Variants in APC observed in about 807,000 individuals in gnomAD.
APC encodes the protein adenomatous polyposis coli protein.
Under a neutral mutation model 247.0 loss-of-function variants are expected in APC, and 72 were observed. That is an observed-to-expected ratio of 0.29 (90% confidence interval 0.24 to 0.35). APC has a LOEUF of 0.35. APC is among the 10% of genes least tolerant of loss of function. The pLI, the probability that APC is intolerant of heterozygous loss-of-function variation, is 1.00. For synonymous variants in APC, 1,254 were observed against 1,162.5 expected, an observed-to-expected ratio of 1.08 and a Z score of -1.60; for missense variants, 3,400 against 3,360.7, an observed-to-expected ratio of 1.01 and a Z score of -0.29.
intron 5 of APC, among the ~76,000 whole-genome samples, chr5:112,777,249 T>G (rs1014328756): frequency 6.6e-6 from 1 of 152,108 alleles, no homozygotes; most frequent in African/African-American, 2.4e-5. Context: ...AGGAAAACAT[T>G]TACGTGTGCA....
At chr5:112,756,367 CATTTT>C (rs147573839) in intron 2 of APC, among the ~76,000 whole-genome samples, 8,122 of 152,224 alleles carry the variant, frequency 0.053, 399 homozygotes, top group East Asian at 0.13. Context: ...TATAAACAAA[CATTTT>C]ATTCTTTCCA....
intron 1 of APC, among the ~76,000 whole-genome samples, chr5:112,747,628 G>A (rs914320794): frequency 2.6e-5 from 4 of 152,104 alleles, no homozygotes; most frequent in African/African-American, 9.7e-5. Flanking sequence ...CCATTAAAGT[G>A]ATAGTAAAAA....
chr5:112,775,556 A>G, intron 4 of APC, 73 bp from the exon 5 acceptor site: 1 of 869,936 alleles, frequency 1.1e-6, no homozygotes, highest in Non-Finnish European at 1.9e-6. Flanking sequence ...ATAACAACTG[A>G]TGTAAGTATT....
In APC at chr5:112,835,208, T is replaced by C; in HGVS notation, c.1958+43T>C. The C allele has an allele frequency of 6.6e-7, 1 of 1,526,124 alleles. No individual in the cohort carries two copies. The highest frequency in any genetic ancestry group is 9.0e-7 in the Non-Finnish European group (1 of 1,115,554). 94.5% of individuals were successfully genotyped at this position (1,526,124 alleles called of 1,614,324 possible). A position where few individuals can be genotyped will look rare whatever the true frequency, so the allele number is the denominator to read the frequency against. ...TATTACTTTTAAAGTACAGAATTCA[T>C]ACTCTCAAAAAGACCTAATTGTAAG... On this transcript the variant is annotated intron_variant, in intron 15 of 15. Transcript: ENST00000257430.
At chr5:112,727,037 T>C (rs1466779595) in intron 1 of APC, among the ~76,000 whole-genome samples, 1 of 152,182 alleles carries the variant, frequency 6.6e-6, no homozygotes, top group African/African-American at 2.4e-5. Flanking sequence ...TTAGATACTA[T>C]TAGGTTGGTG....
In APC at chr5:112,842,455, G is replaced by T. The variant is rs2149974902; in HGVS notation, c.6861G>T (p.Arg2287Ser). 6.2e-7 allele frequency: 1 copy of T among 1,613,958 alleles called. No individual in the cohort carries two copies. The highest frequency in any genetic ancestry group is 8.5e-7 in the Non-Finnish European group (1 of 1,179,924). Reference protein sequence around the residue: ...SVKSELSPVARQTSQIGGSSK... With the variant: ...SVKSELSPVASQTSQIGGSSK... ...AATCAGAATTAAGCCCTGTTGCCAG[G>T]CAGACATCCCAAATAGGTGGGTCAA... The change falls in exon 16 of 16, where the codon AGG (arginine) becomes AGT (serine). Residue 2287 changes from arginine to serine, a missense_variant. Coordinates refer to ENST00000257430, the MANE Select transcript of APC (RefSeq NM_000038.6).
chr5:112,839,854 C>A lies in APC; in HGVS notation c.4260C>A (p.Pro1420=), dbSNP rs770579741. 18 of 1,614,078 alleles carry A rather than the reference C, an allele frequency of 1.1e-5. No homozygotes were observed. The highest frequency in any genetic ancestry group is 1.4e-5 in the Non-Finnish European group (17 of 1,180,008). ...GAATGGTAAGTGGCATTATAAGCCC[C>A]AGTGATCTTCCAGATAGCCCTGGAC... ...CSGMVSGIIS[P]SDLPDSPGQT... Residue 1420 remains proline, a synonymous_variant, in exon 16 of 16, where the codon CCC becomes CCA. Coordinates refer to ENST00000257430, the MANE Select transcript of APC (RefSeq NM_000038.6). The surrounding 1 kb of genome is among the most constrained non-coding windows in gnomAD (Gnocchi z 5.0).
chr5:112,713,007 C>G (rs962971567), intron 1 of APC, among the ~76,000 whole-genome samples: 1 of 151,846 alleles, frequency 6.6e-6, no homozygotes, highest in African/African-American at 2.4e-5. Flanking sequence ...CCCATCTCTA[C>G]TAAAAATAAA....
chr5:112,826,077 C>T (rs960428494), intron 11 of APC, among the ~76,000 whole-genome samples: 1 of 152,176 alleles, frequency 6.6e-6, no homozygotes, highest in South Asian at 2.1e-4. Flanking sequence ...GCTTGGAATT[C>T]TTGACCCACG....
intron 7 of APC, among the ~76,000 whole-genome samples, chr5:112,799,235 A>G (rs1760535649): frequency 6.6e-6 from 1 of 151,904 alleles, no homozygotes; most frequent in Admixed American, 6.6e-5. Context: ...CATATTCAAA[A>G]CATAATTAAT....
In APC at chr5:112,766,368, A is replaced by G. The variant is rs1421856417; in HGVS notation, c.178A>G (p.Met60Val). Residue 60 changes from methionine (M) to valine (V), a missense_variant, in exon 3 of 16, where the codon ATG becomes GTG. This residue lies in a region of APC where 372 missense variants were observed against 367.6 expected (regional missense o/e 1.01). Coordinates refer to ENST00000257430, the MANE Select transcript of APC (RefSeq NM_000038.6). ...ACAAGGAAGTATTGAAGATGAAGCT[A>G]TGGCTTCTTCTGGACAGATTGATTT... ...QLQGSIEDEA[M>V]ASSGQIDLLE... The G allele has an allele frequency of 1.2e-6, 2 of 1,612,278 alleles. No individual in the cohort carries two copies. The highest frequency in any genetic ancestry group is 1.7e-6 in the Non-Finnish European group (2 of 1,178,548).
intron 1 of APC, among the ~76,000 whole-genome samples, chr5:112,726,694 C>T (rs1751801821): frequency 6.6e-6 from 1 of 152,096 alleles, no homozygotes; most frequent in South Asian, 2.1e-4. Flanking sequence ...TCCCTGTTTC[C>T]TGTCCGTATC....
At chr5:112,792,943 G>A (rs1235467974) in intron 7 of APC, among the ~76,000 whole-genome samples, 1 of 152,102 alleles carries the variant, frequency 6.6e-6, no homozygotes, top group Non-Finnish European at 1.5e-5. Context: ...ACCAGGGAAG[G>A]TGACCACAGT....
intron 1 of APC, among the ~76,000 whole-genome samples, chr5:112,747,254 C>T (rs1413237951): frequency 6.6e-6 from 1 of 152,062 alleles, no homozygotes; most frequent in Non-Finnish European, 1.5e-5. Flanking sequence ...GGGGAAAACC[C>T]TGGAAAATTT....
At chr5:112,799,041 C>T (rs961230500) in intron 7 of APC, among the ~76,000 whole-genome samples, 2 of 152,012 alleles carry the variant, frequency 1.3e-5, no homozygotes, top group East Asian at 1.9e-4. Context: ...GAAACCCTGT[C>T]TCTACTAAAA....
intron 15 of APC, among the ~76,000 whole-genome samples, chr5:112,836,733 G>A (rs547194500): frequency 1.3e-5 from 2 of 151,984 alleles, no homozygotes; most frequent in South Asian, 2.1e-4. Flanking sequence ...TTGAGATGGA[G>A]TCTCACTCTG....
At chr5:112,767,456 A>G in intron 4 of APC, 66 bp downstream of exon 4, 1 of 1,305,472 alleles carries the variant, frequency 7.7e-7, no homozygotes, top group Non-Finnish European at 1.1e-6. Flanking sequence ...TTGTAATATA[A>G]TATTTAAATT....
chr5:112,734,578 TC>T (rs1056916777), upstream of APC, among the ~76,000 whole-genome samples: 2 of 152,200 alleles, frequency 1.3e-5, no homozygotes, highest in African/African-American at 4.8e-5. Flanking sequence ...CTATTCTATG[TC>T]TAAGGTCTTC....
chr5:112,714,213 C>G (rs1751027745), intron 1 of APC, among the ~76,000 whole-genome samples: 1 of 152,130 alleles, frequency 6.6e-6, no homozygotes, highest in Admixed American at 6.5e-5. Context: ...TTGGTTGTCA[C>G]AGTGACTGCG....
Sources: gnomAD v4.1 joint callset for allele counts (sites outside exome capture counted in the v4.1 genomes callset) on GRCh38, gnomAD v4.1.1 for gene constraint, gnomAD v4.1.1 regional missense constraint, Gnocchi (gnomAD v3.1) non-coding constraint, MANE v1.5 for transcripts, NCBI Gene and HGNC (gene_info 2026-07-23, HGNC 2026-07-21) for gene names.